LAMP2: variants seen among roughly 807,000 people sequenced by gnomAD.
LAMP2 encodes the protein lysosome associated membrane protein 2, also known as lysosome-associated membrane glycoprotein 2.
A neutral mutation model predicts 25.6 loss-of-function variants in LAMP2; 4 were observed. The observed-to-expected ratio is 0.16, with a 90% CI of 0.08 to 0.36. LAMP2 has a LOEUF of 0.36. Ranked by LOEUF, LAMP2 falls within the 10% of genes least tolerant of loss-of-function variation. LAMP2 has a pLI of 1.00. For synonymous variants in LAMP2, 108 were observed against 112.7 expected, an observed-to-expected ratio of 0.96 and a Z score of 0.27; for missense variants, 272 against 301.4, an observed-to-expected ratio of 0.90 and a Z score of 0.72.
Position 120,447,785 on chromosome X carries a change from G to A in LAMP2, c.741+56C>T, listed in dbSNP as rs982516885. Reference sequence around the variant, plus strand: ...TACCTTTGGGCTGAAGGTAGGATACGCAATATTTGAAATGAAATGCAAAAA... The same window carrying A: ...TACCTTTGGGCTGAAGGTAGGATACACAATATTTGAAATGAAATGCAAAAA... On this transcript the variant is annotated intron_variant, in intron 5 of 8. Transcript: ENST00000200639. 8 of 994,135 alleles carry A rather than the reference G, an allele frequency of 8.0e-6. No individual in the cohort carries two copies. The African/African-American group carries it at 9.5e-5, about 12-fold the overall frequency. The allele number at this position is 994,135 out of a possible 1,213,427, so 81.9% of individuals were successfully genotyped here.
rs138435481 is a variant in LAMP2 at position 120,446,398 on chromosome X, A to G, written c.771T>C (p.Asn257=). Residue 257 remains asparagine, a synonymous_variant, in exon 6 of 9, where the codon AAT becomes AAC. Coordinates refer to ENST00000200639, the MANE Select transcript of LAMP2 (RefSeq NM_002294.3). The part of the protein sequence containing the change: ...KVASVININP[N]TTHSTGSCRS... ...GGCAGCTGCCTGTGGAGTGAGTTGTATTGGGGTTGATGTTAATAACTGAAG... is the reference window on the plus strand; with the variant it reads ...GGCAGCTGCCTGTGGAGTGAGTTGTGTTGGGGTTGATGTTAATAACTGAAG... The G allele has an allele frequency of 2.4e-5, 29 of 1,205,951 alleles. No individual in the cohort carries two copies. The highest frequency in any genetic ancestry group is 1.1e-4 in the African/African-American group (6 of 56,869).
At position 120,428,557 on chromosome X, in the gene LAMP2, A is replaced by T. The variant is rs1195888609; in HGVS notation, c.*2766T>A. The T allele has an allele frequency of 8.3e-7, 1 of 1,201,612 alleles. No homozygotes were observed. Among genetic ancestry groups the T allele is most frequent in the Non-Finnish European group, 1.1e-6 (1 of 890,999 alleles). On this transcript the variant is annotated 3_prime_UTR_variant, in exon 9 of 9. Transcript: ENST00000200639. ...AGAGATAAAGACAACAATTATAAGG[A>T]AGCCCAAGGCCACACCCACTGCAAC...
In LAMP2 at chrX:120,429,391, C is replaced by A; in HGVS notation, c.*1932G>T. The A allele has an allele frequency of 5.2e-6, 3 of 571,461 alleles. No homozygotes were observed. The highest frequency in any genetic ancestry group is 6.3e-6 in the Non-Finnish European group (3 of 474,717). 47.1% of individuals were successfully genotyped at this position (571,461 alleles called of 1,213,427 possible). On this transcript the variant is annotated 3_prime_UTR_variant, in exon 9 of 9. Coordinates refer to ENST00000200639, the MANE Select transcript of LAMP2 (RefSeq NM_002294.3). ...AGTTATTTAAACTGGGCCTCACTTT[C>A]CTCATCTGTAAGAAGGGGATAATAA...
chrX:120,429,215 G>A lies in LAMP2; in HGVS notation c.*2108C>T. 2 of 751,628 alleles carry A rather than the reference G, an allele frequency of 2.7e-6. No individual in the cohort carries two copies. The highest frequency in any genetic ancestry group is 4.7e-5 in the African/African-American group (2 of 42,536). 61.9% of individuals were successfully genotyped at this position (751,628 alleles called of 1,213,427 possible). A position where few individuals can be genotyped will look rare whatever the true frequency, so the allele number is the denominator to read the frequency against. ...TTATTTTTAGCTGAGCGGTGGCCTG[G>A]AAGAATAACAGCAGTATCTAATGCG... is the stretch of plus-strand genomic sequence containing the variant. On this transcript the variant is annotated 3_prime_UTR_variant, in exon 9 of 9. Coordinates refer to ENST00000200639, the MANE Select transcript of LAMP2 (RefSeq NM_002294.3).
intron 6 of LAMP2, among the ~76,000 whole-genome samples, chrX:120,442,900 T>C (rs775537876): frequency 8.9e-6 from 1 of 111,794 alleles, no homozygotes; most frequent in African/African-American, 3.3e-5. Context: ...CTCAGACACT[T>C]GAAGATTTAT....
In LAMP2 at chrX:120,429,064, G is replaced by A; in HGVS notation, c.*2259C>T. 2 of 523,373 alleles carry A rather than the reference G, an allele frequency of 3.8e-6. No individual in the cohort carries two copies. The highest frequency in any genetic ancestry group is 4.6e-6 in the Non-Finnish European group (2 of 431,820). The allele number at this position is 523,373 out of a possible 1,213,427, so 43.1% of individuals were successfully genotyped here. On this transcript the variant is annotated 3_prime_UTR_variant, in exon 9 of 9. Transcript: ENST00000200639. ...AAAAAGACTTAGGATCAAGAATGTA[G>A]TATATATATACATATATATGTGTGT...
Position 120,426,268 on chromosome X carries a change from C to T in LAMP2, c.*5055G>A, listed in dbSNP as rs1340978348. Among the ~76,000 whole-genome samples, 3 of 101,899 alleles carry T rather than the reference C, an allele frequency of 2.9e-5. No individual in the cohort carries two copies. The highest frequency in any genetic ancestry group is 7.2e-5 in the African/African-American group (2 of 27,743). The allele number at this position is 101,899 out of a possible 115,157, so 88.5% of individuals were successfully genotyped here. ...GCAGGTATTAATTGGTTCTCTAAAT[C>T]GATACATCCAAAACTTTAGTTAGCA... On this transcript the variant is annotated 3_prime_UTR_variant, in exon 9 of 9. Transcript: ENST00000200639.
intron 1 of LAMP2, among the ~76,000 whole-genome samples, chrX:120,460,079 G>A (rs1041063334): frequency 9.0e-5 from 10 of 111,046 alleles, no homozygotes; most frequent in Non-Finnish European, 1.3e-4. Flanking sequence ...TCAGGAGTTC[G>A]AGACCAGCCT....
rs1270739907 is a variant in LAMP2 at position 120,446,392 on chromosome X, A to G, written c.777T>C (p.Thr259=). 2.5e-6 allele frequency: 3 copies of G among 1,207,658 alleles called. No individual in the cohort carries two copies. Among genetic ancestry groups the G allele is most frequent in the Admixed American group, 2.2e-5 (1 of 46,006 alleles). ...ASVININPNT[T]HSTGSCRSHT... is the part of the protein sequence containing the mutation. ...GAGAACGGCAGCTGCCTGTGGAGTG[A>G]GTTGTATTGGGGTTGATGTTAATAA... is the stretch of plus-strand genomic sequence containing the variant. The change falls in exon 6 of 9, where the codon ACT becomes ACC. Residue 259 remains threonine (T), a synonymous_variant. Coordinates refer to ENST00000200639, the MANE Select transcript of LAMP2 (RefSeq NM_002294.3).
chrX:120,452,359 G>A (rs1363415717), intron 3 of LAMP2, among the ~76,000 whole-genome samples: 1 of 110,420 alleles, frequency 9.1e-6, no homozygotes, highest in Non-Finnish European at 1.9e-5. Flanking sequence ...TCCCCCTGCT[G>A]GAAACATCCT....
chrX:120,459,120 C>T (rs181194107), intron 1 of LAMP2, among the ~76,000 whole-genome samples: 1 of 111,934 alleles, frequency 8.9e-6, no homozygotes, highest in Admixed American at 9.5e-5. Flanking sequence ...AAACTTGTTT[C>T]CACTGGGCTC....
chrX:120,442,824 T>C (rs2058579652), intron 6 of LAMP2, among the ~76,000 whole-genome samples, 162 bp from the exon 7 acceptor site: 1 of 112,296 alleles, frequency 8.9e-6, no homozygotes, highest in Non-Finnish European at 1.9e-5. Context: ...ACTCATAATC[T>C]GACAGAAATC....
At chrX:120,451,196 G>C (rs1361186705) in intron 3 of LAMP2, among the ~76,000 whole-genome samples, 1 of 111,727 alleles carries the variant, frequency 9.0e-6, no homozygotes, top group Non-Finnish European at 1.9e-5. Context: ...TGGGATTACA[G>C]GCACGAGCCA....
chrX:120,455,182 A>G (rs1371934483), intron 3 of LAMP2, among the ~76,000 whole-genome samples, 175 bp downstream of exon 3: 2 of 107,551 alleles, frequency 1.9e-5, no homozygotes, highest in African/African-American at 6.8e-5. Flanking sequence ...AAATATCATC[A>G]GTATGTTGGA....
At chrX:120,456,555 TC>T (rs767555527) in intron 2 of LAMP2, 95 bp downstream of exon 2, 1 of 446,742 alleles carries the variant, frequency 2.2e-6, no homozygotes, top group East Asian at 4.0e-5. Context: ...ATTAAGTCAG[TC>T]AACGTGGAAT....
At position 120,429,390 on chromosome X, in the gene LAMP2, T is replaced by G; in HGVS notation, c.*1933A>C. 2 of 571,809 alleles carry G rather than the reference T, an allele frequency of 3.5e-6. No homozygotes were observed. The highest frequency in any genetic ancestry group is 4.2e-6 in the Non-Finnish European group (2 of 473,205). The allele number at this position is 571,809 out of a possible 1,213,427, so 47.1% of individuals were successfully genotyped here. On this transcript the variant is annotated 3_prime_UTR_variant, in exon 9 of 9. Transcript: ENST00000200639. ...AAGTTATTTAAACTGGGCCTCACTT[T>G]CCTCATCTGTAAGAAGGGGATAATA...
At position 120,429,218 on chromosome X, in the gene LAMP2, G is replaced by A. The variant is rs1381121136; in HGVS notation, c.*2105C>T. 1 of 747,672 alleles carries A rather than the reference G, an allele frequency of 1.3e-6. No individual in the cohort carries two copies. Among genetic ancestry groups the A allele is most frequent in the Non-Finnish European group, 1.6e-6 (1 of 638,262 alleles). The allele number at this position is 747,672 out of a possible 1,213,427, so 61.6% of individuals were successfully genotyped here. A position where few individuals can be genotyped will look rare whatever the true frequency, so the allele number is the denominator to read the frequency against. On this transcript the variant is annotated 3_prime_UTR_variant, in exon 9 of 9. Coordinates refer to ENST00000200639, the MANE Select transcript of LAMP2 (RefSeq NM_002294.3). ...TTTTTAGCTGAGCGGTGGCCTGGAA[G>A]AATAACAGCAGTATCTAATGCGTTG...
In LAMP2 at chrX:120,455,633, T is replaced by C. The variant is rs918631969; in HGVS notation, c.184-63A>G. The C allele has an allele frequency of 1.6e-5, 14 of 873,427 alleles. No homozygotes were observed. In the Admixed American group the frequency reaches 2.9e-4, roughly 18 times the overall value. 72.0% of individuals were successfully genotyped at this position (873,427 alleles called of 1,213,427 possible). ...GGCAGCAAGGAACACCAAGCATTTA[T>C]GTAGGGCATGCCACTTCAGCCTAAA... On this transcript the variant is annotated intron_variant, in intron 2 of 8. Coordinates refer to ENST00000200639, the MANE Select transcript of LAMP2 (RefSeq NM_002294.3).
chrX:120,439,086 C>T (rs2058559839), intron 8 of LAMP2: 4 of 1,202,032 alleles, frequency 3.3e-6, no homozygotes, highest in Non-Finnish European at 4.5e-6. Context: ...CTTAAGTTGA[C>T]CAGTATTGCA....
Sources: allele counts gnomAD v4.1 joint callset (sites outside exome capture counted in the v4.1 genomes callset), GRCh38; gene constraint gnomAD v4.1.1; transcripts MANE v1.5; gene names NCBI Gene and HGNC (gene_info 2026-07-23, HGNC 2026-07-21).